CLIC5: variants seen among roughly 807,000 people sequenced by gnomAD.
CLIC5 encodes chloride intracellular channel protein 5.
CLIC5 carries 20 observed loss-of-function variants against 24.7 expected under a neutral mutation model. That is an observed-to-expected ratio of 0.81 (90% confidence interval 0.57 to 1.18). CLIC5 has a LOEUF of 1.18. CLIC5 is among the 50% of genes most tolerant of loss of function. The pLI is 0.00. For synonymous variants in CLIC5, 159 were observed against 135.6 expected (o/e 1.17, Z -1.20); for missense variants, 341 against 326.1 (o/e 1.05, Z -0.35).
At chr6:46,032,633 C>A (rs1437194515) in intron 1 of CLIC5, among the ~76,000 whole-genome samples, 1 of 152,178 alleles carries the variant, frequency 6.6e-6, no homozygotes, top group Admixed American at 6.5e-5. Flanking sequence ...CCACGTTTAT[C>A]TTTGGGAAGT....
the CLIC5 span, among the ~76,000 whole-genome samples, chr6:46,123,843 G>A: frequency 6.6e-6 from 1 of 152,162 alleles, no homozygotes; most frequent in African/African-American, 2.4e-5. Context: ...TTGCTTCAAA[G>A]AGAATAAAAT....
intron 6 of CLIC5, chr6:45,881,251 A>G: frequency 2.5e-6 from 1 of 398,148 alleles, no homozygotes; most frequent in Non-Finnish European, 4.4e-6. Context: ...GAGGTTACAT[A>G]TGGAGCCAAC....
intron 4 of CLIC5, among the ~76,000 whole-genome samples, chr6:45,926,107 T>A (rs1054397929): frequency 2.0e-5 from 3 of 152,042 alleles, no homozygotes; most frequent in African/African-American, 7.2e-5. Context: ...AGAAATCACG[T>A]GGCTCAACCC....
In CLIC5 at chr6:45,903,139, A is replaced by ACTGTCAG; in HGVS notation, c.698_704dup (p.Glu236Ter). 2 of 1,614,160 alleles carry ACTGTCAG rather than the reference A, an allele frequency of 1.2e-6. No individual in the cohort carries two copies. Among genetic ancestry groups the ACTGTCAG allele is most frequent in the South Asian group, 2.2e-5 (2 of 91,078 alleles). On this transcript the variant is annotated stop_gained and frameshift_variant, in exon 6 of 6. Transcript: ENST00000339561. LOFTEE classifies it high-confidence loss of function. ...CATCAGCGTAGGCCAACTCGATCTC[A>ACTGTCAG]CTGTCAGCTGCACAGGTGTTGGTGA...
intron 5 of CLIC5, chr6:45,912,521 A>G: frequency 7.3e-7 from 1 of 1,369,878 alleles, no homozygotes; most frequent in African/African-American, 1.5e-5. Context: ...GAGGGAAAGA[A>G]GAAAGGAAAA....
At chr6:46,040,967 A>C (rs1562019871) in intron 1 of CLIC5, among the ~76,000 whole-genome samples, 1 of 152,256 alleles carries the variant, frequency 6.6e-6, no homozygotes, top group African/African-American at 2.4e-5. Context: ...AAAATCCCCC[A>C]AATTAAAAAT....
At chr6:45,911,391 C>T (rs564747838) in intron 5 of CLIC5, among the ~76,000 whole-genome samples, 1 of 152,178 alleles carries the variant, frequency 6.6e-6, no homozygotes, top group African/African-American at 2.4e-5. Flanking sequence ...GATGCCACCA[C>T]GATATCTCCC....
Position 46,031,860 on chromosome 6 carries a change from T to C in CLIC5, c.540+47843A>G, listed in dbSNP as rs1197141620. On this transcript the variant is annotated intron_variant, in intron 1 of 5. Transcript: ENST00000185206. ...ATTTCATCTTTGTAAAATATATATA[T>C]ACACATATATATATAACATATATAT... Among the ~76,000 whole-genome samples the C allele has an allele frequency of 2.7e-5, 4 of 147,564 alleles. No individual in the cohort carries two copies. The East Asian group carries it at 7.9e-4, about 29-fold the overall frequency.
chr6:45,958,443 T>TACACACAC (rs1283521914), intron 1 of CLIC5, among the ~76,000 whole-genome samples: 3 of 55,632 alleles, frequency 5.4e-5, no homozygotes, highest in African/African-American at 1.2e-4. Context: ...TATATATATA[T>TACACACAC]ATATATATAT....
At chr6:46,108,401 T>TGTGTGTGA in the CLIC5 span, among the ~76,000 whole-genome samples, 308 of 141,744 alleles carry the variant, frequency 2.2e-3, 1 homozygote, top group African/African-American at 6.1e-3. Flanking sequence ...TGTGTGTGTG[T>TGTGTGTGA]GAGAGAGAGA....
the CLIC5 span, among the ~76,000 whole-genome samples, chr6:46,099,343 G>A: frequency 1.3e-5 from 2 of 152,128 alleles, no homozygotes; most frequent in Non-Finnish European, 2.9e-5. Flanking sequence ...CCCCGACTGT[G>A]GTAACAGAGA....
intron 1 of CLIC5, among the ~76,000 whole-genome samples, chr6:46,034,430 C>T (rs1767605723): frequency 6.6e-6 from 1 of 152,162 alleles, no homozygotes; most frequent in Non-Finnish European, 1.5e-5. Context: ...AGATGTTTAA[C>T]ATACTGTATT....
chr6:45,911,284 A>T (rs1373263286), intron 5 of CLIC5, among the ~76,000 whole-genome samples: 1 of 152,138 alleles, frequency 6.6e-6, no homozygotes, highest in African/African-American at 2.4e-5. Context: ...TGGTGTGGGC[A>T]CCAAAGAAGC....
chr6:46,074,556 G>C (rs1343480041), intron 1 of CLIC5, among the ~76,000 whole-genome samples: 2 of 152,182 alleles, frequency 1.3e-5, no homozygotes. Context: ...CTTGTTCAGT[G>C]CACAACCTGT....
chr6:46,013,030 G>A (rs567927897), intron 1 of CLIC5, among the ~76,000 whole-genome samples: 82 of 152,186 alleles, frequency 5.4e-4, no homozygotes, highest in Admixed American at 3.5e-3. Context: ...ATCAATTGAC[G>A]TGGGAGACAA....
At chr6:45,976,612 G>GA (rs1765393201) in intron 1 of CLIC5, among the ~76,000 whole-genome samples, 1 of 152,216 alleles carries the variant, frequency 6.6e-6, no homozygotes, top group African/African-American at 2.4e-5. Flanking sequence ...CAATGCCCAT[G>GA]CACAGACAGA....
In CLIC5 at chr6:45,953,501, T is replaced by A. The variant is rs185871451; in HGVS notation, c.173+1634A>T. ...GGCCTGTTTTAGACAGAGGATGCAG[T>A]TCTGCCAAGGGATGGAGGCTCAAAG... On this transcript the variant is annotated intron_variant, in intron 2 of 5. Coordinates refer to ENST00000339561, the MANE Select transcript of CLIC5 (RefSeq NM_016929.5). 2.6e-3 allele frequency among the ~76,000 whole-genome samples: 395 copies of A among 152,120 alleles called. 5 individuals carry two copies. The highest frequency in any genetic ancestry group is 8.7e-3 in the African/African-American group (362 of 41,498).
At chr6:45,945,495 C>T (rs1267396839) in intron 3 of CLIC5, among the ~76,000 whole-genome samples, 1 of 152,102 alleles carries the variant, frequency 6.6e-6, no homozygotes, top group Non-Finnish European at 1.5e-5. Flanking sequence ...GATCTTTCTT[C>T]TCTCTCTCCC....
chr6:45,964,284 C>T (rs576485609), intron 1 of CLIC5, among the ~76,000 whole-genome samples: 1 of 152,302 alleles, frequency 6.6e-6, no homozygotes, highest in African/African-American at 2.4e-5. Context: ...GGTTCAAATT[C>T]CTCCCCTGAC....
Sources: gnomAD v4.1 joint callset for allele counts (sites outside exome capture counted in the v4.1 genomes callset) on GRCh38, gnomAD v4.1.1 for gene constraint, MANE v1.5 for transcripts, NCBI Gene and HGNC (gene_info 2026-07-23, HGNC 2026-07-21) for gene names.